The following ANKS1B variants were observed in gnomAD, a reference collection of about 807,000 sequenced individuals.
ANKS1B encodes ankyrin repeat and sterile alpha motif domain-containing protein 1B.
ANKS1B carries 36 observed loss-of-function variants against 148.3 expected under a neutral mutation model. The observed-to-expected ratio is 0.24, with a 90% CI of 0.19 to 0.32. The LOEUF (loss-of-function observed/expected upper bound fraction) is 0.32. ANKS1B is among the 10% of genes least tolerant of loss of function. ANKS1B has a pLI of 1.00. For missense variants in ANKS1B, 1,157 were observed against 1,542.6 expected (o/e 0.75, Z 4.19); for synonymous variants, 542 against 560.8 (o/e 0.97, Z 0.47).
intron 15 of ANKS1B, chr12:99,099,937 C>T (rs939390343): frequency 4.6e-5 from 7 of 152,170 alleles, no homozygotes; most frequent in African/African-American, 1.7e-4. Context: ...TTGGACTGAG[C>T]TCCACAGATT....
intron 17 of ANKS1B, among the ~76,000 whole-genome samples, chr12:99,044,050 C>T (rs1484073011): frequency 1.3e-5 from 2 of 152,192 alleles, no homozygotes; most frequent in Non-Finnish European, 2.9e-5. Flanking sequence ...GTGGCATGAA[C>T]AGTGTTTATT....
intron 25 of ANKS1B, among the ~76,000 whole-genome samples, chr12:98,754,047 C>A (rs2098167771): frequency 6.6e-6 from 1 of 152,118 alleles, no homozygotes. Flanking sequence ...GGTCTCAGAA[C>A]CAAGTGGGGA....
chr12:99,166,010 T>C (rs1313121703), intron 14 of ANKS1B, among the ~76,000 whole-genome samples: 2 of 151,786 alleles, frequency 1.3e-5, no homozygotes, highest in African/African-American at 4.8e-5. Flanking sequence ...TCAGATTAAC[T>C]AATAAAGAAA....
rs562643332 is a variant in ANKS1B, at chr12:99,525,322, C to A, written c.1273-20681G>T. 4.6e-5 allele frequency among the ~76,000 whole-genome samples: 7 copies of A among 152,216 alleles called. No individual in the cohort carries two copies. In the South Asian group the frequency reaches 1.4e-3, roughly 32 times the overall value. ...CTCGTTTTTAAATGTAATACAATACCATTGCAATACAGTTTCCCTCCAACT... is the reference window on the plus strand; with the variant it reads ...CTCGTTTTTAAATGTAATACAATACAATTGCAATACAGTTTCCCTCCAACT... On this transcript the variant is annotated intron_variant, in intron 9 of 26. Coordinates refer to ENST00000683438, the MANE Select transcript of ANKS1B (RefSeq NM_001352186.2).
intron 17 of ANKS1B, among the ~76,000 whole-genome samples, chr12:98,977,984 T>C (rs1213509869): frequency 6.6e-6 from 1 of 152,128 alleles, no homozygotes; most frequent in Non-Finnish European, 1.5e-5. Flanking sequence ...TTATATAATA[T>C]GGGAGAGATA....
chr12:99,607,362 A>T (rs961285911), intron 9 of ANKS1B, among the ~76,000 whole-genome samples: 2 of 152,010 alleles, frequency 1.3e-5, no homozygotes, highest in African/African-American at 4.8e-5. Flanking sequence ...GTTAAAAGTT[A>T]AATGTAGTTT....
At chr12:99,780,635 A>G (rs1303835109) in intron 5 of ANKS1B, among the ~76,000 whole-genome samples, 5 of 152,152 alleles carry the variant, frequency 3.3e-5, no homozygotes, top group Admixed American at 6.5e-5. Flanking sequence ...ACACTATCAC[A>G]CTGAAAAATA....
chr12:99,333,854 G>GTTTTTTTTTTTTTT (rs10526476), intron 12 of ANKS1B, among the ~76,000 whole-genome samples: 3,714 of 107,074 alleles, frequency 0.035, 228 homozygotes, highest in Non-Finnish European at 0.049. Context: ...CCAGTTCTCA[G>GTTTTTTTTTTTTTT]TTTTTTTTTT....
intron 16 of ANKS1B, among the ~76,000 whole-genome samples, chr12:99,080,167 T>C (rs1390145957): frequency 6.6e-6 from 1 of 152,204 alleles, no homozygotes; most frequent in East Asian, 1.9e-4. Context: ...CCTTTCTCTC[T>C]ACAAAATCCA....
chr12:99,507,195 T>C (rs756896152), intron 9 of ANKS1B, among the ~76,000 whole-genome samples: 1 of 151,916 alleles, frequency 6.6e-6, no homozygotes, highest in African/African-American at 2.4e-5. Flanking sequence ...AACGATAAGA[T>C]TGTAAAGATT....
At chr12:99,800,865 A>G (rs1446207244) in intron 4 of ANKS1B, among the ~76,000 whole-genome samples, 1 of 152,116 alleles carries the variant, frequency 6.6e-6, no homozygotes, top group Non-Finnish European at 1.5e-5. Flanking sequence ...TAAAGATGAT[A>G]TTGGAACTCA....
At chr12:99,849,784 C>T (rs75999092) in intron 1 of ANKS1B, among the ~76,000 whole-genome samples, 1,531 of 152,070 alleles carry the variant, frequency 0.01, 26 homozygotes, top group African/African-American at 0.034. Context: ...AGTTGAAAAA[C>T]GAAAACAGGA....
At chr12:99,321,293 G>GC (rs1160702804) in intron 12 of ANKS1B, among the ~76,000 whole-genome samples, 1 of 152,204 alleles carries the variant, frequency 6.6e-6, no homozygotes, top group African/African-American at 2.4e-5. Flanking sequence ...GCTATGCCCT[G>GC]CCCCCAGAGG....
intron 2 of ANKS1B, 85 bp downstream of exon 2, chr12:99,825,224 C>G: frequency 8.6e-7 from 1 of 1,160,358 alleles, no homozygotes. Context: ...CTCACAGAGA[C>G]ATGAGAAAGG....
At chr12:99,302,204 G>C (rs893227351) in intron 12 of ANKS1B, among the ~76,000 whole-genome samples, 1 of 152,060 alleles carries the variant, frequency 6.6e-6, no homozygotes, top group East Asian at 1.9e-4. Context: ...TGGAATAAAT[G>C]ATGTGCAATT....
chr12:99,834,308 A>T (rs894029716), intron 1 of ANKS1B, among the ~76,000 whole-genome samples: 2 of 152,176 alleles, frequency 1.3e-5, no homozygotes. Flanking sequence ...TTTATTCCAA[A>T]AAAAGCAATT....
chr12:99,389,351 G>T (rs1331947367), intron 12 of ANKS1B, among the ~76,000 whole-genome samples: 2 of 152,204 alleles, frequency 1.3e-5, no homozygotes, highest in African/African-American at 2.4e-5. Flanking sequence ...CCCCAAAGAA[G>T]ACTGTACAGA....
chr12:99,475,277 C>T (rs565507677), intron 10 of ANKS1B, among the ~76,000 whole-genome samples: 6 of 149,966 alleles, frequency 4.0e-5, no homozygotes, highest in East Asian at 3.9e-4. Flanking sequence ...ACCTCAAAAG[C>T]TTAAGTTTTA....
chr12:99,394,397 C>T (rs946331978), intron 12 of ANKS1B, among the ~76,000 whole-genome samples: 6 of 152,066 alleles, frequency 3.9e-5, no homozygotes, highest in African/African-American at 1.4e-4. Context: ...TAAAAATTCC[C>T]CTGTGAAGAA....
Sources: allele counts gnomAD v4.1 joint callset (sites outside exome capture counted in the v4.1 genomes callset), GRCh38; gene constraint gnomAD v4.1.1; transcripts MANE v1.5; gene names NCBI Gene and HGNC (gene_info 2026-07-23, HGNC 2026-07-21).